RPS6KC1: variants seen among roughly 807,000 people sequenced by gnomAD.
RPS6KC1 encodes the protein ribosomal protein S6 kinase C1, also known as inactive ribosomal protein S6 kinase delta-1.
Under a neutral mutation model 103.8 loss-of-function variants are expected in RPS6KC1, and 54 were observed. The ratio of observed to expected loss-of-function variants is 0.52; its 90% CI spans 0.42 to 0.65. RPS6KC1 has a LOEUF of 0.65. RPS6KC1 is among the 30% of genes least tolerant of loss of function. The pLI, the probability that RPS6KC1 is intolerant of heterozygous loss-of-function variation, is 0.00. For missense variants in RPS6KC1, 1,151 were observed against 1,253.8 expected, an observed-to-expected ratio of 0.92 and a Z score of 1.24; for synonymous variants, 439 against 438.7, an observed-to-expected ratio of 1.00 and a Z score of -0.01.
At chr1:213,267,352 G>T (rs2094935653) in intron 14 of RPS6KC1, among the ~76,000 whole-genome samples, 1 of 151,690 alleles carries the variant, frequency 6.6e-6, no homozygotes, top group Admixed American at 6.6e-5. Flanking sequence ...GTGGGAAGGG[G>T]ACTTAGCAGC....
the RPS6KC1 span, among the ~76,000 whole-genome samples, chr1:213,638,780 A>T: frequency 1.3e-5 from 2 of 152,054 alleles, no homozygotes. Flanking sequence ...TATTGATATC[A>T]TGTAGTTAGA....
the RPS6KC1 span, among the ~76,000 whole-genome samples, chr1:213,490,984 T>C: frequency 3.9e-5 from 6 of 152,298 alleles, no homozygotes; most frequent in Admixed American, 1.3e-4. Context: ...CTGCTCGTGA[T>C]GGGAACTGGA....
At chr1:213,514,848 A>G in the RPS6KC1 span, among the ~76,000 whole-genome samples, 5 of 152,182 alleles carry the variant, frequency 3.3e-5, no homozygotes, top group Admixed American at 6.5e-5. Flanking sequence ...TCCCACCAAC[A>G]GTGTAAAAGT....
intron 1 of RPS6KC1, among the ~76,000 whole-genome samples, chr1:213,065,617 G>A (rs1037471849): frequency 2.0e-5 from 3 of 152,162 alleles, no homozygotes; most frequent in Non-Finnish European, 4.4e-5. Flanking sequence ...TGACACATTC[G>A]GGAATACTGA....
chr1:213,328,180 G>T, the RPS6KC1 span, among the ~76,000 whole-genome samples: 1 of 152,012 alleles, frequency 6.6e-6, no homozygotes, highest in African/African-American at 2.4e-5. Flanking sequence ...CTTTCAATAG[G>T]CATGCAATAC....
chr1:213,263,223 G>C (rs1322850756), intron 14 of RPS6KC1, among the ~76,000 whole-genome samples: 2 of 152,134 alleles, frequency 1.3e-5, no homozygotes, highest in Non-Finnish European at 2.9e-5. Context: ...AAGCTACTCA[G>C]GTTGCTTAGG....
chr1:213,560,113 AG>A, the RPS6KC1 span, among the ~76,000 whole-genome samples: 75 of 152,330 alleles, frequency 4.9e-4, no homozygotes, highest in Admixed American at 5.9e-4. Flanking sequence ...CTCCTGTAAT[AG>A]GCAAAATTCT....
chr1:213,551,165 T>C, the RPS6KC1 span, among the ~76,000 whole-genome samples: 1 of 152,178 alleles, frequency 6.6e-6, no homozygotes, highest in East Asian at 1.9e-4. Context: ...CAGCCCGACA[T>C]CCAGACTGCT....
the RPS6KC1 span, among the ~76,000 whole-genome samples, chr1:213,670,680 A>G: frequency 9.9e-5 from 15 of 152,138 alleles, no homozygotes; most frequent in African/African-American, 3.4e-4. Context: ...TGCACCTGCC[A>G]GGCAAGGACT....
chr1:213,485,387 G>C, the RPS6KC1 span, among the ~76,000 whole-genome samples: 3 of 152,136 alleles, frequency 2.0e-5, no homozygotes, highest in Admixed American at 2.0e-4. Flanking sequence ...TATGCTAAGA[G>C]TATACTCTCC....
chr1:213,072,278 T>A (rs1436496593), intron 2 of RPS6KC1, among the ~76,000 whole-genome samples: 1 of 152,192 alleles, frequency 6.6e-6, no homozygotes. Flanking sequence ...CTGGTTGATA[T>A]GAGTGTATGG....
At chr1:213,802,863 A>C in the RPS6KC1 span, among the ~76,000 whole-genome samples, 1 of 152,162 alleles carries the variant, frequency 6.6e-6, no homozygotes, top group Admixed American at 6.5e-5. Flanking sequence ...CTCAGTATCT[A>C]GTGAAAGAAC....
At chr1:213,663,799 G>A in the RPS6KC1 span, among the ~76,000 whole-genome samples, 1 of 152,152 alleles carries the variant, frequency 6.6e-6, no homozygotes, top group South Asian at 2.1e-4. Context: ...TTTCTTGCCA[G>A]CCACCAGACA....
chr1:213,309,131 A>G, the RPS6KC1 span, among the ~76,000 whole-genome samples: 5 of 151,964 alleles, frequency 3.3e-5, no homozygotes, highest in African/African-American at 1.2e-4. Flanking sequence ...CTCTACTAAA[A>G]AAAAAATACA....
At chr1:213,856,658 C>T in the RPS6KC1 span, among the ~76,000 whole-genome samples, 1 of 152,200 alleles carries the variant, frequency 6.6e-6, no homozygotes, top group Non-Finnish European at 1.5e-5. Context: ...CATAGAAAAT[C>T]TAAGTATTGC....
At chr1:213,550,673 G>C in the RPS6KC1 span, among the ~76,000 whole-genome samples, 27 of 152,180 alleles carry the variant, frequency 1.8e-4, no homozygotes, top group Admixed American at 1.7e-3. Flanking sequence ...TGGACAGCTC[G>C]ATTTGTTAAT....
chr1:213,620,372 G>T, the RPS6KC1 span, among the ~76,000 whole-genome samples: 1 of 152,216 alleles, frequency 6.6e-6, no homozygotes, highest in Non-Finnish European at 1.5e-5. Context: ...CTGGAAGCCT[G>T]TGTTCAGTTG....
the RPS6KC1 span, among the ~76,000 whole-genome samples, chr1:213,674,956 G>A: frequency 1.1e-4 from 17 of 152,108 alleles, no homozygotes; most frequent in South Asian, 2.5e-3. Flanking sequence ...GTGTCTGTTC[G>A]TGTCCTTTGC....
the RPS6KC1 span, among the ~76,000 whole-genome samples, chr1:213,411,021 G>T: frequency 1.3e-5 from 2 of 152,086 alleles, no homozygotes; most frequent in Non-Finnish European, 2.9e-5. Flanking sequence ...AGTCCCCCAG[G>T]ATGATGGCAG....
Sources: gnomAD v4.1 joint callset for allele counts (sites outside exome capture counted in the v4.1 genomes callset) on GRCh38, gnomAD v4.1.1 for gene constraint, MANE v1.5 for transcripts, NCBI Gene and HGNC (gene_info 2026-07-23, HGNC 2026-07-21) for gene names.